LRMDA: variants seen among roughly 807,000 people sequenced by gnomAD.
LRMDA encodes the protein leucine-rich melanocyte differentiation-associated protein.
A neutral mutation model predicts 29.8 loss-of-function variants in LRMDA; 18 were observed. The observed-to-expected ratio is 0.60, with a 90% CI of 0.42 to 0.90. The LOEUF (loss-of-function observed/expected upper bound fraction) is 0.90. LRMDA is among the 40% of genes least tolerant of loss of function. The pLI is 0.00. For missense variants in LRMDA, 273 were observed against 273.9 expected (o/e 1.00, Z 0.02); for synonymous variants, 125 against 109.4 (o/e 1.14, Z -0.89).
intron 6 of LRMDA, among the ~76,000 whole-genome samples, chr10:76,368,736 C>G (rs932063116): frequency 1.3e-5 from 2 of 152,028 alleles, no homozygotes; most frequent in African/African-American, 4.8e-5. Context: ...TGCTGTCTAT[C>G]TCATTTCTTA....
At chr10:75,557,269 A>G (rs1311594917) in intron 2 of LRMDA, among the ~76,000 whole-genome samples, 1 of 151,470 alleles carries the variant, frequency 6.6e-6, no homozygotes, top group South Asian at 2.1e-4. Context: ...AGCTGAGATC[A>G]TGCCACTGCA....
intron 2 of LRMDA, among the ~76,000 whole-genome samples, chr10:75,904,136 C>T (rs1845721938): frequency 6.6e-6 from 1 of 152,122 alleles, no homozygotes; most frequent in Non-Finnish European, 1.5e-5. Context: ...TAAAAAACTA[C>T]CATAGGTTTC....
At chr10:75,757,779 T>C (rs1170620369) in intron 2 of LRMDA, among the ~76,000 whole-genome samples, 2 of 152,044 alleles carry the variant, frequency 1.3e-5, no homozygotes, top group Admixed American at 6.6e-5. Context: ...GTAGGGCAGA[T>C]TTGCAGACAA....
At chr10:76,510,501 T>C (rs1002325167) in intron 6 of LRMDA, among the ~76,000 whole-genome samples, 4 of 152,144 alleles carry the variant, frequency 2.6e-5, no homozygotes, top group Non-Finnish European at 5.9e-5. Flanking sequence ...TTCCTGATCT[T>C]ATAGGTAGAC....
intron 2 of LRMDA, among the ~76,000 whole-genome samples, chr10:75,765,850 A>G (rs1843157598): frequency 6.9e-6 from 1 of 144,966 alleles, no homozygotes; most frequent in Non-Finnish European, 1.5e-5. Flanking sequence ...ACTGTGTGTC[A>G]TGATGCTGCT....
chr10:76,272,133 A>G (rs1192771123), intron 5 of LRMDA, among the ~76,000 whole-genome samples: 1 of 152,208 alleles, frequency 6.6e-6, no homozygotes, highest in Non-Finnish European at 1.5e-5. Flanking sequence ...ACTTCATTAA[A>G]GGTAAAGGTC....
intron 2 of LRMDA, among the ~76,000 whole-genome samples, chr10:75,456,715 G>A (rs926252845): frequency 1.3e-5 from 2 of 151,998 alleles, no homozygotes; most frequent in Admixed American, 6.6e-5. Context: ...TTGCTCTTTC[G>A]CCCAGGCTGA....
At chr10:76,232,121 A>T (rs1852069248) in intron 5 of LRMDA, among the ~76,000 whole-genome samples, 1 of 152,196 alleles carries the variant, frequency 6.6e-6, no homozygotes, top group South Asian at 2.1e-4. Flanking sequence ...TGTTTAAAGG[A>T]GTCTGAATAA....
intron 6 of LRMDA, among the ~76,000 whole-genome samples, chr10:76,453,648 C>T (rs962215624): frequency 1.3e-5 from 2 of 152,124 alleles, no homozygotes; most frequent in African/African-American, 4.8e-5. Flanking sequence ...GCATTTAAGA[C>T]ATTAATTTAT....
At chr10:75,545,167 T>C (rs1341860512) in intron 2 of LRMDA, among the ~76,000 whole-genome samples, 1 of 152,164 alleles carries the variant, frequency 6.6e-6, no homozygotes, top group Non-Finnish European at 1.5e-5. Context: ...CATCCAACAA[T>C]GCACAGGACA....
In LRMDA at chr10:76,360,530, G is replaced by A. The variant is rs138657758; in HGVS notation, c.601+36045G>A. On this transcript the variant is annotated intron_variant, in intron 6 of 6. Transcript: ENST00000611255. Reference sequence around the variant, plus strand: ...ATCAAGTAACTTACCTACATAAAAGGCAAAGCACAGAAGTCATGAACATTC... The same window carrying A: ...ATCAAGTAACTTACCTACATAAAAGACAAAGCACAGAAGTCATGAACATTC... 4.7e-3 allele frequency among the ~76,000 whole-genome samples: 714 copies of A among 152,232 alleles called. 6 individuals carry two copies. The highest frequency in any genetic ancestry group is 4.1e-3 in the Non-Finnish European group (276 of 68,012).
At chr10:75,909,989 A>G (rs1359917442) in intron 2 of LRMDA, among the ~76,000 whole-genome samples, 1 of 152,172 alleles carries the variant, frequency 6.6e-6, no homozygotes, top group Non-Finnish European at 1.5e-5. Context: ...GCTTCTATGC[A>G]CCACTCAAGT....
At chr10:76,400,604 C>T (rs545750746) in intron 6 of LRMDA, among the ~76,000 whole-genome samples, 4 of 152,284 alleles carry the variant, frequency 2.6e-5, no homozygotes, top group East Asian at 3.9e-4. Flanking sequence ...GCACAATTAC[C>T]TCTGTACTGT....
chr10:75,469,988 C>G (rs1189807438), intron 2 of LRMDA, among the ~76,000 whole-genome samples: 1 of 152,128 alleles, frequency 6.6e-6, no homozygotes, highest in Non-Finnish European at 1.5e-5. Flanking sequence ...AAGAACTAGT[C>G]TTTGGTGGCC....
intron 2 of LRMDA, among the ~76,000 whole-genome samples, chr10:75,623,225 A>C (rs538313133): frequency 1.3e-5 from 2 of 152,362 alleles, no homozygotes; most frequent in African/African-American, 4.8e-5. Context: ...TCAGTCCAGC[A>C]TTAGATCTAT....
In LRMDA at chr10:76,171,270, G is replaced by A. The variant is rs150829325; in HGVS notation, c.516+112487G>A. Among the ~76,000 whole-genome samples, 49 of 152,238 alleles carry A rather than the reference G, an allele frequency of 3.2e-4. No homozygotes were observed. In the East Asian group the frequency reaches 8.5e-3, roughly 26 times the overall value. On this transcript the variant is annotated intron_variant, in intron 5 of 6. Transcript: ENST00000611255. ...CCTGCCTCAGCCTCCCAGGTAGCTG[G>A]GATTACAGGCATGCACCACCATGCC...
intron 6 of LRMDA, among the ~76,000 whole-genome samples, chr10:76,543,906 C>A (rs1033251101): frequency 7.3e-5 from 11 of 151,544 alleles, no homozygotes; most frequent in Admixed American, 7.2e-4. Context: ...GAGTCCTGAG[C>A]CCCCCCCAGG....
At chr10:76,243,086 C>T (rs1301519105) in intron 5 of LRMDA, among the ~76,000 whole-genome samples, 1 of 152,186 alleles carries the variant, frequency 6.6e-6, no homozygotes, top group Non-Finnish European at 1.5e-5. Context: ...AACCCATCCA[C>T]ACCTCAGAAC....
intron 5 of LRMDA, among the ~76,000 whole-genome samples, chr10:76,282,108 A>T (rs1368296703): frequency 6.6e-6 from 1 of 152,196 alleles, no homozygotes; most frequent in Non-Finnish European, 1.5e-5. Context: ...TATTTTGTGT[A>T]AATCTGTCGG....
Sources: gnomAD v4.1 joint callset for allele counts (sites outside exome capture counted in the v4.1 genomes callset) on GRCh38, gnomAD v4.1.1 for gene constraint, MANE v1.5 for transcripts, NCBI Gene and HGNC (gene_info 2026-07-23, HGNC 2026-07-21) for gene names.